The following COL6A6 variants were observed in gnomAD, a reference collection of about 807,000 sequenced individuals.
The protein encoded by COL6A6 is collagen type VI alpha 6 chain.
A neutral mutation model predicts 208.6 loss-of-function variants in COL6A6; 183 were observed. The observed-to-expected ratio is 0.88, with a 90% CI of 0.78 to 0.99. The LOEUF (loss-of-function observed/expected upper bound fraction) is 0.99, where lower values mean the gene tolerates loss of function less well. Among genes scored for constraint, COL6A6 ranks in the 50% least tolerant of loss-of-function variants. COL6A6 has a pLI of 0.00. For synonymous variants in COL6A6, 973 were observed against 1,011.8 expected, an observed-to-expected ratio of 0.96 and a Z score of 0.73; for missense variants, 2,816 against 2,815.2, an observed-to-expected ratio of 1.00 and a Z score of -0.01.
chr3:130,650,408 G>A (rs934001634), intron 33 of COL6A6, among the ~76,000 whole-genome samples: 12 of 152,172 alleles, frequency 7.9e-5, no homozygotes, highest in African/African-American at 2.7e-4. Context: ...GGATCACAAG[G>A]TCAGGAGATC....
At chr3:130,560,520 C>G in intron 2 of COL6A6, 92 bp downstream of exon 2, 1 of 1,152,320 alleles carries the variant, frequency 8.7e-7, no homozygotes, top group African/African-American at 1.6e-5. Context: ...AGTTTTGTAT[C>G]ACTTTGTTTT....
chr3:130,675,246 T>TAC lies in COL6A6; in HGVS notation c.6643_6644dup (p.Gln2215HisfsTer16). On this transcript the variant is annotated frameshift_variant, in exon 37 of 37. Coordinates refer to ENST00000358511, the MANE Select transcript of COL6A6 (RefSeq NM_001102608.3). LOFTEE classifies it low-confidence loss of function (END_TRUNC). ...AAAGCTACCCTCAAAGAAGATGTAT[T>TAC]ACAGAAGGCAAAATTCTTTCAAGAT... 6.3e-7 allele frequency: 1 copy of TAC among 1,588,250 alleles called. No individual in the cohort carries two copies. Among genetic ancestry groups the TAC allele is most frequent in the Non-Finnish European group, 8.6e-7 (1 of 1,166,080 alleles).
At chr3:130,527,520 G>T (rs1469878302) in intron 1 of COL6A6, among the ~76,000 whole-genome samples, 1 of 152,196 alleles carries the variant, frequency 6.6e-6, no homozygotes, top group African/African-American at 2.4e-5. Flanking sequence ...AGAGGGAAAG[G>T]AGAATAGAAT....
At chr3:130,552,570 G>C (rs2062668348) in intron 1 of COL6A6, among the ~76,000 whole-genome samples, 1 of 152,020 alleles carries the variant, frequency 6.6e-6, no homozygotes, top group African/African-American at 2.4e-5. Context: ...CATACTATTA[G>C]GTTGGATTAA....
chr3:130,641,748 T>C (rs1244791559), intron 29 of COL6A6, 34 bp downstream of exon 29: 1 of 1,295,812 alleles, frequency 7.7e-7, no homozygotes, highest in South Asian at 1.3e-5. Flanking sequence ...CAGCAGGTCC[T>C]TTTCCATTAA....
chr3:130,622,220 T>C (rs1485301839), intron 24 of COL6A6, among the ~76,000 whole-genome samples: 1 of 144,820 alleles, frequency 6.9e-6, no homozygotes, highest in Non-Finnish European at 1.5e-5. Context: ...CCTTTTTTTT[T>C]TTCCTTTCCT....
intron 7 of COL6A6, 23 bp from the exon 8 acceptor site, chr3:130,573,933 G>C: frequency 1.3e-6 from 2 of 1,511,996 alleles, no homozygotes; most frequent in Non-Finnish European, 1.8e-6. Context: ...TGGGTTTTCT[G>C]TTGTTCCTTC....
chr3:130,591,527 T>A (rs1463747137), intron 13 of COL6A6, among the ~76,000 whole-genome samples: 2 of 152,224 alleles, frequency 1.3e-5, no homozygotes, highest in Non-Finnish European at 2.9e-5. Flanking sequence ...TTTCCTACAT[T>A]ATTTTATCAA....
intron 1 of COL6A6, among the ~76,000 whole-genome samples, chr3:130,535,276 TAATG>T (rs1577628273): frequency 1.3e-5 from 2 of 152,334 alleles, no homozygotes; most frequent in East Asian, 3.9e-4. Flanking sequence ...ACACAACGTT[TAATG>T]AATCAATTTT....
intron 3 of COL6A6, among the ~76,000 whole-genome samples, 185 bp from the exon 4 acceptor site, chr3:130,564,809 G>A (rs113476072): frequency 8.6e-4 from 131 of 152,272 alleles, no homozygotes; most frequent in Middle Eastern, 3.4e-3. Flanking sequence ...AATTGAAGCC[G>A]GGAGTTTAGC....
intron 15 of COL6A6, 127 bp downstream of exon 15, chr3:130,592,849 A>G: frequency 2.0e-6 from 2 of 978,188 alleles, no homozygotes; most frequent in Non-Finnish European, 3.1e-6. Context: ...ATTGCCAGCC[A>G]TTTCATTTTG....
chr3:130,610,741 A>C, intron 23 of COL6A6, 30 bp downstream of exon 23: 1 of 1,499,528 alleles, frequency 6.7e-7, no homozygotes, highest in Non-Finnish European at 9.1e-7. Context: ...ATTGCATCTG[A>C]CTTTGATCTT....
chr3:130,539,238 A>G (rs1414053090), intron 1 of COL6A6, among the ~76,000 whole-genome samples: 1 of 152,252 alleles, frequency 6.6e-6, no homozygotes, highest in Non-Finnish European at 1.5e-5. Context: ...TGGCTCAGTG[A>G]CAACTTCTCA....
chr3:130,616,531 A>G (rs549485489), intron 23 of COL6A6, among the ~76,000 whole-genome samples: 7 of 126,930 alleles, frequency 5.5e-5, no homozygotes, highest in Admixed American at 9.6e-5. Context: ...TTAAGGTCCT[A>G]TTTTAATTTA....
chr3:130,664,271 T>G (rs2066016240), intron 35 of COL6A6, among the ~76,000 whole-genome samples: 1 of 152,088 alleles, frequency 6.6e-6, no homozygotes, highest in Admixed American at 6.6e-5. Flanking sequence ...CATCACACAG[T>G]CTTAGGCCAT....
chr3:130,622,765 G>A (rs1471437465), intron 24 of COL6A6, among the ~76,000 whole-genome samples: 3 of 152,058 alleles, frequency 2.0e-5, no homozygotes, highest in Non-Finnish European at 4.4e-5. Context: ...GCTGAGGCAG[G>A]AGAATGGTGT....
intron 20 of COL6A6, 53 bp from the exon 21 acceptor site, chr3:130,606,878 T>C: frequency 2.1e-6 from 3 of 1,444,372 alleles, no homozygotes; most frequent in Non-Finnish European, 2.9e-6. Flanking sequence ...TTAAATCATA[T>C]ATAAAAAGCA....
Position 130,571,127 on chromosome 3 carries a change from G to A in COL6A6, c.2711G>A (p.Gly904Asp), listed in dbSNP as rs751017914. The change falls in exon 7 of 37, where the codon GGC becomes GAC. Residue 904 changes from glycine to aspartate, a missense_variant. Coordinates refer to ENST00000358511, the MANE Select transcript of COL6A6 (RefSeq NM_001102608.3). The part of the protein sequence containing the change: ...FSDHMFTEAR[G>D]SRLNKGVPQV... ...GACCACATGTTCACTGAAGCCCGGGGCAGCCGCCTGAACAAGGGGGTCCCC... is the reference window on the plus strand; with the variant it reads ...GACCACATGTTCACTGAAGCCCGGGACAGCCGCCTGAACAAGGGGGTCCCC... The A allele has an allele frequency of 1.5e-5, 24 of 1,613,748 alleles. No individual in the cohort carries two copies. The East Asian group carries it at 3.6e-4, about 24-fold the overall frequency.
chr3:130,526,249 A>G (rs959335209), intron 1 of COL6A6, among the ~76,000 whole-genome samples: 2 of 151,998 alleles, frequency 1.3e-5, no homozygotes, highest in African/African-American at 4.8e-5. Flanking sequence ...ATATGGGAGG[A>G]GAATATGAGT....
Sources: gnomAD v4.1 joint callset for allele counts (sites outside exome capture counted in the v4.1 genomes callset) on GRCh38, gnomAD v4.1.1 for gene constraint, MANE v1.5 for transcripts, NCBI Gene and HGNC (gene_info 2026-07-23, HGNC 2026-07-21) for gene names.